EFR3A: variants seen among roughly 807,000 people sequenced by gnomAD.
EFR3A encodes the protein EFR3 homolog A.
EFR3A carries 76 observed loss-of-function variants against 104.4 expected under a neutral mutation model. That is an observed-to-expected ratio of 0.73 (90% confidence interval 0.60 to 0.88). EFR3A has a LOEUF of 0.88. EFR3A is among the 40% of genes least tolerant of loss of function. The pLI is 0.00. For synonymous variants in EFR3A, 330 were observed against 330.0 expected (o/e 1.00, Z 0.00); for missense variants, 985 against 1,012.5 (o/e 0.97, Z 0.37).
intron 22 of EFR3A, among the ~76,000 whole-genome samples, chr8:132,006,083 C>T (rs1391463966): frequency 6.6e-6 from 1 of 152,056 alleles, no homozygotes; most frequent in East Asian, 1.9e-4. Context: ...TAAGATGAAA[C>T]TAAAATCGTG....
At chr8:131,957,963 A>G (rs1411189429) in intron 7 of EFR3A, among the ~76,000 whole-genome samples, 1 of 152,054 alleles carries the variant, frequency 6.6e-6, no homozygotes, top group Non-Finnish European at 1.5e-5. Context: ...AAGTTTATAG[A>G]TAATTAGTGG....
chr8:131,995,982 GC>G (rs1716075744), intron 18 of EFR3A, among the ~76,000 whole-genome samples: 1 of 152,178 alleles, frequency 6.6e-6, no homozygotes, highest in African/African-American at 2.4e-5. Flanking sequence ...ACCAGAGTTA[GC>G]TGACAGCTTT....
At chr8:131,990,064 T>C (rs200241045) in intron 18 of EFR3A, among the ~76,000 whole-genome samples, 2 of 152,162 alleles carry the variant, frequency 1.3e-5, no homozygotes, top group East Asian at 1.9e-4. Context: ...ATTTAAGTAT[T>C]AAGCGAGCAC....
At chr8:131,944,972 T>C (rs1818361758) in intron 3 of EFR3A, 100 bp downstream of exon 3, 6 of 1,272,442 alleles carry the variant, frequency 4.7e-6, no homozygotes, top group Non-Finnish European at 4.4e-6. Context: ...GAGACAAAGA[T>C]AATATATAGA....
chr8:131,984,782 T>C, intron 15 of EFR3A, 147 bp from the exon 16 acceptor site: 1 of 752,066 alleles, frequency 1.3e-6, no homozygotes, highest in Non-Finnish European at 2.1e-6. Flanking sequence ...TTTGTTTTCC[T>C]TTCAGAATTG....
Position 131,984,155 on chromosome 8 carries a change from A to G in EFR3A, c.1592A>G (p.Tyr531Cys). 1 of 1,607,764 alleles carries G rather than the reference A, an allele frequency of 6.2e-7. No individual in the cohort carries two copies. Among genetic ancestry groups the G allele is most frequent in the East Asian group, 2.2e-5 (1 of 44,772 alleles). The change falls in exon 15 of 23, where the codon TAT becomes TGT. Residue 531 changes from tyrosine (Y) to cysteine (C), a missense_variant. Transcript: ENST00000254624. ...SFMKKNGQQL[Y>C]RHIYLGCKEE... ...TCTCCTCAGAATGGGCAACAGCTGT[A>G]TCGGCACATATATTTGGGTTGTAAA...
At chr8:131,992,332 A>T (rs2130780081) in intron 18 of EFR3A, among the ~76,000 whole-genome samples, 1 of 152,324 alleles carries the variant, frequency 6.6e-6, no homozygotes, top group South Asian at 2.1e-4. Flanking sequence ...TGCAGGATAT[A>T]AAATATTCTC....
chr8:131,961,022 T>C (rs1479606953), intron 8 of EFR3A, among the ~76,000 whole-genome samples: 2 of 152,106 alleles, frequency 1.3e-5, no homozygotes, highest in Non-Finnish European at 2.9e-5. Flanking sequence ...GAAGGAAAGC[T>C]AACAAACAGA....
chr8:131,965,189 T>C (rs1224692077), intron 8 of EFR3A, among the ~76,000 whole-genome samples: 1 of 152,074 alleles, frequency 6.6e-6, no homozygotes, highest in African/African-American at 2.4e-5. Context: ...CCAAAAGCAA[T>C]GGCAACAAAA....
Position 131,987,626 on chromosome 8 carries a change from C to T in EFR3A, c.1989C>T (p.Asn663=), listed in dbSNP as rs1820953649. ...KHEKDLYFLT[N]KIAESLGGSG... ...AAAAAGATTTGTACTTTCTGACCAA[C>T]AAGATTGCAGAGTCGCTAGGTGGAA... The change falls in exon 18 of 23, where the codon AAC becomes AAT. Residue 663 remains asparagine, a synonymous_variant. Coordinates refer to ENST00000254624, the MANE Select transcript of EFR3A (RefSeq NM_015137.6). The T allele has an allele frequency of 1.3e-6, 2 of 1,598,054 alleles. No homozygotes were observed. The highest frequency in any genetic ancestry group is 4.5e-5 in the East Asian group (2 of 44,554).
intron 1 of EFR3A, among the ~76,000 whole-genome samples, chr8:131,936,207 T>G (rs950681736): frequency 6.6e-6 from 1 of 152,150 alleles, no homozygotes; most frequent in African/African-American, 2.4e-5. Flanking sequence ...GAGGCATTGC[T>G]GAATCTATAT....
In EFR3A at chr8:131,987,836, A is replaced by T. The variant is rs1295669141; in HGVS notation, c.2065+134A>T. 3.2e-6 allele frequency: 3 copies of T among 925,216 alleles called. No homozygotes were observed. In the African/African-American group the frequency reaches 5.2e-5, roughly 16 times the overall value. 57.3% of individuals were successfully genotyped at this position (925,216 alleles called of 1,614,324 possible). ...TAGCCCAGCCATTTTCAAATGCTTAAGAGTATTTACTTCTGTTTTTTAATT... is the reference window on the plus strand; with the variant it reads ...TAGCCCAGCCATTTTCAAATGCTTATGAGTATTTACTTCTGTTTTTTAATT... On this transcript the variant is annotated intron_variant, in intron 18 of 22. Transcript: ENST00000254624.
chr8:131,982,789 CAT>C (rs1820679739), intron 14 of EFR3A, among the ~76,000 whole-genome samples: 1 of 151,976 alleles, frequency 6.6e-6, no homozygotes, highest in South Asian at 2.1e-4. Context: ...GGACCCAATG[CAT>C]AGTTTTTTTT....
chr8:132,003,216 CATT>C lies in EFR3A; in HGVS notation c.2311-19_2311-17del. 4 of 1,603,806 alleles carry C rather than the reference CATT, an allele frequency of 2.5e-6. No homozygotes were observed. The highest frequency in any genetic ancestry group is 3.4e-6 in the Non-Finnish European group (4 of 1,171,710). ...TACCTAGAAAATAAACCATTCTTAACATTTTTTTCTTTTTTGCAGGCAAATTTG... is the reference window on the plus strand; with the variant it reads ...TACCTAGAAAATAAACCATTCTTAACTTTTTCTTTTTTGCAGGCAAATTTG... On this transcript the variant is annotated splice_polypyrimidine_tract_variant and intron_variant, in intron 21 of 22. Coordinates refer to ENST00000254624, the MANE Select transcript of EFR3A (RefSeq NM_015137.6).
intron 9 of EFR3A, among the ~76,000 whole-genome samples, chr8:131,969,306 A>G (rs1819922644): frequency 6.6e-6 from 1 of 152,150 alleles, no homozygotes; most frequent in South Asian, 2.1e-4. Context: ...TGATATAGTC[A>G]TCCCTCAGTA....
At chr8:131,964,701 A>G (rs982858096) in intron 8 of EFR3A, among the ~76,000 whole-genome samples, 3 of 152,250 alleles carry the variant, frequency 2.0e-5, no homozygotes, top group African/African-American at 7.2e-5. Flanking sequence ...GACTTTCTTC[A>G]TAGAATTGGA....
At position 131,957,960 on chromosome 8, in the gene EFR3A, T is replaced by C. The variant is rs192827438; in HGVS notation, c.777-1625T>C. On this transcript the variant is annotated intron_variant, in intron 7 of 22. Transcript: ENST00000254624. ...TCTTAAAATTTTATATTTAAGTTTA[T>C]AGATAATTAGTGGAGACCTTAGCTC... 6.7e-3 allele frequency among the ~76,000 whole-genome samples: 1,017 copies of C among 152,240 alleles called. 4 individuals carry two copies. Among genetic ancestry groups the C allele is most frequent in the Middle Eastern group, 0.017 (5 of 294 alleles).
intron 1 of EFR3A, among the ~76,000 whole-genome samples, chr8:131,933,114 C>G (rs1008012517): frequency 2.0e-5 from 3 of 152,140 alleles, no homozygotes; most frequent in Non-Finnish European, 2.9e-5. Flanking sequence ...AAGAGTACTA[C>G]TGATATTGTA....
Position 131,979,354 on chromosome 8 carries a change from C to A in EFR3A, c.1508C>A (p.Pro503Gln), listed in dbSNP as rs139578436. The A allele has an allele frequency of 2.6e-6, 4 of 1,560,808 alleles. No homozygotes were observed. Among genetic ancestry groups the A allele is most frequent in the Non-Finnish European group, 3.5e-6 (4 of 1,150,528 alleles). Reference protein sequence around the residue: ...RAKLRGIRIIPDVADLKIKRE... With the variant: ...RAKLRGIRIIQDVADLKIKRE... ...ATATTGATCGTCTCTAGAATAATAC[C>A]GGATGTAGCTGACCTAAAGATAAAA... Residue 503 changes from proline (P) to glutamine (Q), a missense_variant, in exon 14 of 23, where the codon CCG (proline) becomes CAG (glutamine). Pro to Gln is a moderately conservative substitution (Grantham distance 76, BLOSUM62 -1). Coordinates refer to ENST00000254624, the MANE Select transcript of EFR3A (RefSeq NM_015137.6).
Sources: gnomAD v4.1 joint callset for allele counts (sites outside exome capture counted in the v4.1 genomes callset) on GRCh38, gnomAD v4.1.1 for gene constraint, MANE v1.5 for transcripts, NCBI Gene and HGNC (gene_info 2026-07-23, HGNC 2026-07-21) for gene names.